The following MLLT10 variants were observed in gnomAD, a reference collection of about 807,000 sequenced individuals.
MLLT10 encodes the protein protein AF-10.
MLLT10 carries 30 observed loss-of-function variants against 129.1 expected under a neutral mutation model. That is an observed-to-expected ratio of 0.23 (90% CI 0.17 to 0.32). The LOEUF is 0.32. MLLT10 is among the 10% of genes least tolerant of loss of function. The pLI is 1.00. For missense variants in MLLT10, 1,119 were observed against 1,268.3 expected, an observed-to-expected ratio of 0.88 and a Z score of 1.79; for synonymous variants, 490 against 446.4, an observed-to-expected ratio of 1.10 and a Z score of -1.23.
chr10:21,674,175 T>C (rs2051808537), intron 11 of MLLT10, among the ~76,000 whole-genome samples: 1 of 152,226 alleles, frequency 6.6e-6, no homozygotes, highest in Non-Finnish European at 1.5e-5. Context: ...AAACAATCTA[T>C]TGGTCATTCA....
At chr10:21,535,358 CCCGAGCCAGAAG>C (rs2033758626) in intron 2 of MLLT10, among the ~76,000 whole-genome samples, 1 of 152,122 alleles carries the variant, frequency 6.6e-6, no homozygotes, top group Non-Finnish European at 1.5e-5. Context: ...CCCGTTGCAC[CCCGAGCCAGAAG>C]GCTCGGGCCC....
intron 13 of MLLT10, chr10:21,708,791 C>T: frequency 1.0e-6 from 1 of 961,094 alleles, no homozygotes; most frequent in Non-Finnish European, 1.2e-6. Context: ...TTGCAACTTT[C>T]AAAGTGTAGT....
At chr10:21,623,869 A>G (rs1313338844) in intron 8 of MLLT10, among the ~76,000 whole-genome samples, 1 of 152,248 alleles carries the variant, frequency 6.6e-6, no homozygotes, top group African/African-American at 2.4e-5. Flanking sequence ...GATTTGCAGT[A>G]ACTGATAGTG....
At chr10:21,580,316 A>T (rs1397626851) in intron 3 of MLLT10, among the ~76,000 whole-genome samples, 2 of 152,004 alleles carry the variant, frequency 1.3e-5, no homozygotes, top group East Asian at 3.9e-4. Flanking sequence ...GAAATGGTAT[A>T]ATTTGGAATA....
intron 3 of MLLT10, among the ~76,000 whole-genome samples, chr10:21,567,923 A>C (rs547471417): frequency 1.3e-5 from 2 of 150,970 alleles, no homozygotes; most frequent in East Asian, 3.9e-4. Flanking sequence ...GAGTTCAAGC[A>C]ATTCTCGTGC....
At chr10:21,729,743 TGGA>T (rs2057800577) in intron 16 of MLLT10, among the ~76,000 whole-genome samples, 1 of 152,198 alleles carries the variant, frequency 6.6e-6, no homozygotes, top group African/African-American at 2.4e-5. Context: ...TAGGTTGTTG[TGGA>T]GATCATATGA....
intron 3 of MLLT10, among the ~76,000 whole-genome samples, chr10:21,552,778 T>C (rs1206829669): frequency 6.6e-6 from 1 of 152,152 alleles, no homozygotes; most frequent in Admixed American, 6.6e-5. Flanking sequence ...TTTTATCTTC[T>C]TTTCTGTTTA....
intron 13 of MLLT10, among the ~76,000 whole-genome samples, chr10:21,711,274 T>G (rs1307923371): frequency 6.6e-6 from 1 of 151,782 alleles, no homozygotes; most frequent in Non-Finnish European, 1.5e-5. Flanking sequence ...AATACAAAAA[T>G]TAGCTGAGTG....
At chr10:21,551,211 C>T (rs2036958702) in intron 3 of MLLT10, among the ~76,000 whole-genome samples, 2 of 151,606 alleles carry the variant, frequency 1.3e-5, no homozygotes, top group African/African-American at 4.8e-5. Flanking sequence ...AGGCGTGAGC[C>T]ACCGTGCCCG....
chr10:21,671,925 C>T (rs963268011), intron 10 of MLLT10, among the ~76,000 whole-genome samples: 1 of 152,044 alleles, frequency 6.6e-6, no homozygotes, highest in Non-Finnish European at 1.5e-5. Flanking sequence ...TGCACTCCAG[C>T]CTAGGCGACA....
chr10:21,739,696 G>A (rs2058673934), intron 21 of MLLT10, among the ~76,000 whole-genome samples: 1 of 152,030 alleles, frequency 6.6e-6, no homozygotes, highest in South Asian at 2.1e-4. Flanking sequence ...CTTTAAGGTT[G>A]TTTTAAGTTT....
At position 21,673,463 on chromosome 10, in the gene MLLT10, C is replaced by G; in HGVS notation, c.1165C>G (p.His389Asp). The G allele has an allele frequency of 6.2e-7, 1 of 1,613,726 alleles. No individual in the cohort carries two copies. The highest frequency in any genetic ancestry group is 1.1e-5 in the South Asian group (1 of 91,052). The change falls in exon 11 of 23, where the codon CAC becomes GAC. Residue 389 changes from histidine (H) to aspartate (D), a missense_variant. By Grantham distance (81) the His-to-Asp change is moderately conservative (BLOSUM62 -1). Around this residue, in one of 5 missense-constraint regions of MLLT10, gnomAD observed 1,004 missense variants for 1,008.7 expected, o/e 1.00. Coordinates refer to ENST00000307729, the MANE Select transcript of MLLT10 (RefSeq NM_001195626.3). ...AGATCTGCGTAATGACAGTTACTCTCACTCCCAACAGTCATCAGCAACCAA... is the reference window on the plus strand; with the variant it reads ...AGATCTGCGTAATGACAGTTACTCTGACTCCCAACAGTCATCAGCAACCAA... ...DSDLRNDSYS[H>D]SQQSSATKDV...
intron 11 of MLLT10, among the ~76,000 whole-genome samples, chr10:21,677,250 A>G (rs2052262908): frequency 6.6e-6 from 1 of 152,214 alleles, no homozygotes; most frequent in Non-Finnish European, 1.5e-5. Flanking sequence ...TTTCAGCAAT[A>G]GTGTTTCTTA....
chr10:21,696,405 A>G (rs1207320886), intron 13 of MLLT10, among the ~76,000 whole-genome samples: 1 of 152,008 alleles, frequency 6.6e-6, no homozygotes, highest in Non-Finnish European at 1.5e-5. Context: ...AGGTTGTCTG[A>G]TCTGCCTTGT....
intron 14 of MLLT10, among the ~76,000 whole-genome samples, chr10:21,724,704 G>A (rs1413767101): frequency 6.6e-6 from 1 of 152,194 alleles, no homozygotes; most frequent in Non-Finnish European, 1.5e-5. Flanking sequence ...CAAGAGATTT[G>A]CCTCCAAAAT....
chr10:21,735,233 C>G lies in MLLT10; in HGVS notation c.2953C>G (p.Pro985Ala), dbSNP rs746131567. The G allele has an allele frequency of 5.0e-6, 8 of 1,605,970 alleles. No individual in the cohort carries two copies. The African/African-American group carries it at 9.4e-5, about 19-fold the overall frequency. Residue 985 changes from proline (P) to alanine (A), a missense_variant and splice_region_variant, in exon 21 of 23, where the codon CCA becomes GCA. Pro to Ala is a conservative substitution (Grantham distance 27, BLOSUM62 -1). Coordinates refer to ENST00000307729, the MANE Select transcript of MLLT10 (RefSeq NM_001195626.3). ...QQLLNSQQLT[P>A]EQHQAFLYQL... ...GTTGTTAAATTCTCAACAGCTCACA[C>G]CAGTAAGTTCTTTCTTTTGATAATA...
In MLLT10 at chr10:21,735,134, T is replaced by C. The variant is rs1241692901; in HGVS notation, c.2859-5T>C. ...TAAAAAGTAAGAATTGTAATCATTT[T>C]TCAGTGCCTCAGGACTAGGATTACT... On this transcript the variant is annotated splice_polypyrimidine_tract_variant and splice_region_variant and intron_variant, in intron 20 of 22. Coordinates refer to ENST00000307729, the MANE Select transcript of MLLT10 (RefSeq NM_001195626.3). The C allele has an allele frequency of 2.5e-5, 40 of 1,609,236 alleles. No individual in the cohort carries two copies. The highest frequency in any genetic ancestry group is 3.1e-5 in the Non-Finnish European group (36 of 1,177,184).
intron 13 of MLLT10, among the ~76,000 whole-genome samples, chr10:21,693,439 C>T (rs2054068568): frequency 6.6e-6 from 1 of 151,888 alleles, no homozygotes; most frequent in Non-Finnish European, 1.5e-5. Context: ...ATGTTTTCAT[C>T]AATCGTGCTC....
At chr10:21,711,366 G>A (rs370717001) in intron 13 of MLLT10, among the ~76,000 whole-genome samples, 2 of 151,830 alleles carry the variant, frequency 1.3e-5, no homozygotes, top group South Asian at 2.1e-4. Flanking sequence ...AGGTTACAGC[G>A]AGCCGAGATT....
Sources: gnomAD v4.1 joint callset for allele counts (sites outside exome capture counted in the v4.1 genomes callset) on GRCh38, gnomAD v4.1.1 for gene constraint, gnomAD v4.1.1 regional missense constraint, MANE v1.5 for transcripts, NCBI Gene and HGNC (gene_info 2026-07-23, HGNC 2026-07-21) for gene names.